NETO1: variants seen among roughly 807,000 people sequenced by gnomAD.
The protein encoded by NETO1 is neuropilin and tolloid like 1, also known as neuropilin and tolloid-like protein 1.
A neutral mutation model predicts 61.3 loss-of-function variants in NETO1; 26 were observed. That is an observed-to-expected ratio of 0.42 (90% CI 0.31 to 0.59). The LOEUF (loss-of-function observed/expected upper bound fraction) is 0.59. Among genes scored for constraint, NETO1 ranks in the 20% least tolerant of loss-of-function variants. The pLI, the probability that NETO1 is intolerant of heterozygous loss-of-function variation, is 0.12. For missense variants in NETO1, 531 were observed against 662.8 expected, an observed-to-expected ratio of 0.80 and a Z score of 2.18; for synonymous variants, 225 against 225.8, an observed-to-expected ratio of 1.00 and a Z score of 0.03.
At chr18:72,796,307 C>T (rs2072309160) in intron 4 of NETO1, among the ~76,000 whole-genome samples, 1 of 152,162 alleles carries the variant, frequency 6.6e-6, no homozygotes, top group East Asian at 1.9e-4. Context: ...TTGTTTGCTT[C>T]TTGCTTTGTC....
chr18:72,794,352 A>G lies in NETO1; in HGVS notation c.511+11T>C, dbSNP rs142935878. On this transcript the variant is annotated intron_variant, in intron 5 of 10. Coordinates refer to ENST00000327305, the MANE Select transcript of NETO1 (RefSeq NM_138966.5). ...GTCTTCTGAACAGTATTAAATATCT[A>G]TTTTACCAACCTGGTAATGGTTTCA... The G allele has an allele frequency of 5.5e-5, 88 of 1,612,758 alleles. No homozygotes were observed. In the African/African-American group the frequency reaches 8.9e-4, roughly 16 times the overall value.
chr18:72,823,296 G>A (rs1333435559), intron 4 of NETO1, among the ~76,000 whole-genome samples: 1 of 152,108 alleles, frequency 6.6e-6, no homozygotes, highest in African/African-American at 2.4e-5. Flanking sequence ...GAGTGCTTTG[G>A]GAAAATTAGC....
intron 3 of NETO1, among the ~76,000 whole-genome samples, chr18:72,862,684 G>C (rs6566676): frequency 0.29 from 42,506 of 147,236 alleles, 6,377 homozygotes; most frequent in Middle Eastern, 0.38. Context: ...GCAGTGGTGC[G>C]ATCTCGGCTC....
intron 7 of NETO1, among the ~76,000 whole-genome samples, chr18:72,757,932 T>G (rs1324715510): frequency 2.0e-5 from 3 of 152,182 alleles, no homozygotes; most frequent in Non-Finnish European, 4.4e-5. Context: ...ACTTATTACC[T>G]AACAAATTGT....
chr18:72,838,409 G>A (rs1270857352), intron 4 of NETO1, among the ~76,000 whole-genome samples: 1 of 152,200 alleles, frequency 6.6e-6, no homozygotes, highest in African/African-American at 2.4e-5. Context: ...TCATCTCCCT[G>A]ATATGCCACC....
At chr18:72,812,862 C>T (rs2072912305) in intron 4 of NETO1, among the ~76,000 whole-genome samples, 1 of 152,188 alleles carries the variant, frequency 6.6e-6, no homozygotes, top group African/African-American at 2.4e-5. Context: ...GAACAAACTA[C>T]CTCTCATCAC....
intron 4 of NETO1, among the ~76,000 whole-genome samples, chr18:72,799,063 A>G (rs757056192): frequency 6.6e-6 from 1 of 152,250 alleles, no homozygotes; most frequent in Non-Finnish European, 1.5e-5. Context: ...CTGCACTGAG[A>G]GCATCATTCT....
intron 7 of NETO1, among the ~76,000 whole-genome samples, chr18:72,768,287 C>A (rs574510539): frequency 1.5e-3 from 230 of 151,968 alleles, no homozygotes; most frequent in African/African-American, 5.2e-3. Context: ...AAAATAAATT[C>A]TTTATATAAA....
intron 7 of NETO1, among the ~76,000 whole-genome samples, chr18:72,773,611 G>A (rs2071448978): frequency 6.6e-6 from 1 of 152,116 alleles, no homozygotes; most frequent in South Asian, 2.1e-4. Context: ...TCACGATAGT[G>A]AGTGAGTTCT....
intron 6 of NETO1, among the ~76,000 whole-genome samples, chr18:72,785,886 C>A (rs2071898660): frequency 6.6e-6 from 1 of 152,156 alleles, no homozygotes; most frequent in Non-Finnish European, 1.5e-5. Flanking sequence ...TTTCACTGCT[C>A]CCACTCCCCA....
chr18:72,786,180 AATG>A (rs2071910179), intron 6 of NETO1, among the ~76,000 whole-genome samples: 1 of 152,220 alleles, frequency 6.6e-6, no homozygotes, highest in Non-Finnish European at 1.5e-5. Context: ...CGTTATAAAT[AATG>A]ATAATTACAT....
At chr18:72,819,442 A>G (rs1376024757) in intron 4 of NETO1, among the ~76,000 whole-genome samples, 1 of 152,214 alleles carries the variant, frequency 6.6e-6, no homozygotes, top group East Asian at 1.9e-4. Flanking sequence ...AGATAATTCT[A>G]TGATTTCAAA....
intron 4 of NETO1, among the ~76,000 whole-genome samples, chr18:72,807,852 G>C (rs1336850357): frequency 1.3e-5 from 2 of 152,004 alleles, no homozygotes; most frequent in Non-Finnish European, 2.9e-5. Flanking sequence ...TGTTGCTGTT[G>C]TTGTTTCTGT....
chr18:72,866,561 G>A (rs1474837030), intron 1 of NETO1, among the ~76,000 whole-genome samples: 6 of 152,066 alleles, frequency 3.9e-5, no homozygotes, highest in Admixed American at 3.9e-4. Context: ...TATAGACCAC[G>A]TACTGTGTTT....
At chr18:72,763,504 T>C (rs903060332) in intron 7 of NETO1, among the ~76,000 whole-genome samples, 2 of 152,238 alleles carry the variant, frequency 1.3e-5, no homozygotes, top group East Asian at 3.9e-4. Flanking sequence ...GAGCTTCGTC[T>C]AAAACACCCA....
chr18:72,801,400 T>G (rs1568211132), intron 4 of NETO1, among the ~76,000 whole-genome samples: 1 of 152,240 alleles, frequency 6.6e-6, no homozygotes, highest in Non-Finnish European at 1.5e-5. Flanking sequence ...TCTATTTGTC[T>G]TTTTGCATTC....
chr18:72,781,795 C>T (rs984487363), intron 7 of NETO1, among the ~76,000 whole-genome samples: 13 of 152,116 alleles, frequency 8.5e-5, no homozygotes, highest in African/African-American at 2.9e-4. Context: ...TCTAAGAATA[C>T]AAAAATGCAT....
rs376865852 is a variant in NETO1, at chr18:72,864,022, C to T, written c.220+786G>A. ...ATCACTTGAGGTCATGAGTTTGAGA[C>T]CAGCTGGCCAACATCGTGAAGTGCC... On this transcript the variant is annotated intron_variant, in intron 3 of 10. Coordinates refer to ENST00000327305, the MANE Select transcript of NETO1 (RefSeq NM_138966.5). Among the ~76,000 whole-genome samples, 15 of 152,236 alleles carry T rather than the reference C, an allele frequency of 9.9e-5. No homozygotes were observed. The South Asian group carries it at 2.7e-3, about 27-fold the overall frequency.
chr18:72,818,016 G>A (rs1242891479), intron 4 of NETO1, among the ~76,000 whole-genome samples: 1 of 152,102 alleles, frequency 6.6e-6, no homozygotes, highest in Non-Finnish European at 1.5e-5. Context: ...ATTGCAACTC[G>A]GGCTTATAAA....
Sources: gnomAD v4.1 joint callset for allele counts (sites outside exome capture counted in the v4.1 genomes callset) on GRCh38, gnomAD v4.1.1 for gene constraint, MANE v1.5 for transcripts, NCBI Gene and HGNC (gene_info 2026-07-23, HGNC 2026-07-21) for gene names.